ACACB: variants seen among roughly 807,000 people sequenced by gnomAD.
ACACB encodes acetyl-CoA carboxylase beta.
In ACACB, 209 loss-of-function variants were observed where a neutral mutation model predicts 278.8. The observed-to-expected ratio is 0.75, with a 90% CI of 0.67 to 0.84. The LOEUF (loss-of-function observed/expected upper bound fraction) is 0.84. Among genes scored for constraint, ACACB ranks in the 40% least tolerant of loss-of-function variants. The pLI is 0.00. For missense variants in ACACB, 2,850 were observed against 3,269.0 expected (o/e 0.87, Z 3.13); for synonymous variants, 1,174 against 1,285.6 (o/e 0.91, Z 1.86).
intron 13 of ACACB, among the ~76,000 whole-genome samples, chr12:109,190,335 G>A (rs898265767): frequency 6.6e-6 from 1 of 152,086 alleles, no homozygotes; most frequent in Non-Finnish European, 1.5e-5. Flanking sequence ...TGATCCACCC[G>A]CCTTGGCCTC....
In ACACB at chr12:109,174,383, T is replaced by C. The variant is rs759308037; in HGVS notation, c.1216+153T>C. ...TAGTCATTAGCAAAATATTTTAAAA[T>C]TTTAAATTAGTAAACAAGTGGTATA... On this transcript the variant is annotated intron_variant, in intron 7 of 52. Transcript: ENST00000338432. 9.1e-4 allele frequency among the ~76,000 whole-genome samples: 139 copies of C among 152,212 alleles called. 4 individuals are homozygous for C. The highest frequency in any genetic ancestry group is 2.0e-4 in the Admixed American group (3 of 15,276).
intron 11 of ACACB, among the ~76,000 whole-genome samples, chr12:109,184,706 A>ATTTT (rs201836386): frequency 2.0e-4 from 28 of 139,198 alleles, no homozygotes; most frequent in Middle Eastern, 7.5e-3. Flanking sequence ...TGGCATTAAA[A>ATTTT]TTTTTTTTTT....
rs778843959 is a variant in ACACB at position 109,239,964 on chromosome 12, T to G, written c.4797T>G (p.Thr1599=). 1 of 1,614,110 alleles carries G rather than the reference T, an allele frequency of 6.2e-7. No individual in the cohort carries two copies. Among genetic ancestry groups the G allele is most frequent in the African/African-American group, 1.3e-5 (1 of 75,058 alleles). ...CNHIFLNFVP[T]VIMDPFKIEE... is the part of the protein sequence containing the mutation. ...ACATCTTCCTCAACTTCGTGCCCACTGTCATCATGGACCCCTTCAAGGTCT... is the reference window on the plus strand; with the variant it reads ...ACATCTTCCTCAACTTCGTGCCCACGGTCATCATGGACCCCTTCAAGGTCT... The change falls in exon 35 of 53, where the codon ACT becomes ACG. Residue 1599 remains threonine (T), a synonymous_variant. Coordinates refer to ENST00000338432, the MANE Select transcript of ACACB (RefSeq NM_001093.4).
chr12:109,121,884 A>C (rs1042336173), intron 1 of ACACB, among the ~76,000 whole-genome samples: 10 of 152,206 alleles, frequency 6.6e-5, no homozygotes, highest in African/African-American at 2.4e-4. Context: ...GCATAAACTC[A>C]TTGGTGAATG....
intron 13 of ACACB, among the ~76,000 whole-genome samples, chr12:109,188,827 G>A (rs2044763737): frequency 6.6e-6 from 1 of 152,176 alleles, no homozygotes; most frequent in African/African-American, 2.4e-5. Flanking sequence ...TACCCAAAGT[G>A]TAAAAGGTGC....
chr12:109,113,257 C>G (rs1391238637), upstream of ACACB: 2 of 152,186 alleles, frequency 1.3e-5, no homozygotes, highest in Non-Finnish European at 2.9e-5. Flanking sequence ...ATTGAACTTT[C>G]CAGGCCACAA....
rs1298482725 is a variant in ACACB at position 109,264,393 on chromosome 12, G to T, written c.6942+7G>T. The T allele has an allele frequency of 6.2e-7, 1 of 1,613,546 alleles. No homozygotes were observed. Among genetic ancestry groups the T allele is most frequent in the East Asian group, 2.2e-5 (1 of 44,846 alleles). ...GGAGAAGGGCGTCATATCTGTGAGA[G>T]CCACAGCTGCCGTGTAGGGTGCAAA... On this transcript the variant is annotated splice_region_variant and intron_variant, in intron 50 of 52. Transcript: ENST00000338432.
At chr12:109,213,010 T>C (rs2136444749) in intron 22 of ACACB, 74 bp downstream of exon 22, 7 of 1,343,938 alleles carry the variant, frequency 5.2e-6, no homozygotes, top group East Asian at 2.3e-5. Context: ...GGTGGTGCTC[T>C]GGGGCTGTCT....
chr12:109,156,673 A>G (rs2043550791), intron 2 of ACACB, among the ~76,000 whole-genome samples: 2 of 139,926 alleles, frequency 1.4e-5, no homozygotes, highest in Admixed American at 1.5e-4. Flanking sequence ...TCCATCCTTT[A>G]TTTTCTTAGG....
chr12:109,209,959 ATG>A lies in ACACB; in HGVS notation c.3249+610_3249+611del, dbSNP rs1432774875. ...CACATACACACACGTGTGTGTATATATGTGTATACACACATACACACACGTGT... is the reference window on the plus strand; with the variant it reads ...CACATACACACACGTGTGTGTATATATGTATACACACATACACACACGTGT... On this transcript the variant is annotated intron_variant, in intron 21 of 52. Coordinates refer to ENST00000338432, the MANE Select transcript of ACACB (RefSeq NM_001093.4). 2.1e-4 allele frequency among the ~76,000 whole-genome samples: 18 copies of A among 87,510 alleles called. 6 individuals carry two copies. Among genetic ancestry groups the A allele is most frequent in the African/African-American group, 9.0e-4 (17 of 18,946 alleles). 57.4% of individuals were successfully genotyped at this position (87,510 alleles called of 152,430 possible).
At chr12:109,137,989 C>T (rs1447218059) in intron 1 of ACACB, among the ~76,000 whole-genome samples, 2 of 151,930 alleles carry the variant, frequency 1.3e-5, no homozygotes, top group Non-Finnish European at 2.9e-5. Flanking sequence ...ACCTCCACCT[C>T]CAGGTTCAAG....
At chr12:109,140,901 T>A (rs2043107332) in intron 2 of ACACB, among the ~76,000 whole-genome samples, 1 of 126,472 alleles carries the variant, frequency 7.9e-6, no homozygotes, top group African/African-American at 4.3e-5. Flanking sequence ...TTTTTTTTTT[T>A]TTTTTTTTTT....
At chr12:109,189,829 G>A (rs780023301) in intron 13 of ACACB, among the ~76,000 whole-genome samples, 4 of 152,134 alleles carry the variant, frequency 2.6e-5, no homozygotes, top group South Asian at 2.1e-4. Context: ...AAGCTTACTC[G>A]GCCAGGCACA....
chr12:109,179,791 A>C (rs1357742598), intron 10 of ACACB, 126 bp from the exon 11 acceptor site: 25 of 1,149,748 alleles, frequency 2.2e-5, no homozygotes, highest in Non-Finnish European at 2.8e-5. Flanking sequence ...ACACCTGGCC[A>C]GTCCCAAAAT....
rs2046937187 is a variant in ACACB, at chr12:109,246,175, C to T, written c.5302-4C>T. The T allele has an allele frequency of 1.2e-6, 2 of 1,606,608 alleles. No individual in the cohort carries two copies. Among genetic ancestry groups the T allele is most frequent in the Admixed American group, 1.7e-5 (1 of 59,834 alleles). ...TTTTCCTTGTGCATTCATCCCCTTG[C>T]CAGGTGGGCATGGTGGCCTTCAAAA... On this transcript the variant is annotated splice_region_variant and splice_polypyrimidine_tract_variant and intron_variant, in intron 38 of 52. Coordinates refer to ENST00000338432, the MANE Select transcript of ACACB (RefSeq NM_001093.4).
rs1173452255 is a variant in ACACB, at chr12:109,266,800, C to G, written c.*438C>G. 2.0e-5 allele frequency: 3 copies of G among 151,786 alleles called. No homozygotes were observed. The highest frequency in any genetic ancestry group is 7.3e-5 in the African/African-American group (3 of 41,210). The allele number at this position is 151,786 out of a possible 1,614,324, so 9.4% of individuals were successfully genotyped here. A position where few individuals can be genotyped will look rare whatever the true frequency, so the allele number is the denominator to read the frequency against. On this transcript the variant is annotated 3_prime_UTR_variant, in exon 53 of 53. Coordinates refer to ENST00000338432, the MANE Select transcript of ACACB (RefSeq NM_001093.4). The stretch of plus-strand genomic sequence containing the variant: ...CATATATTTCAGCCAAATAAATGGG[C>G]CAAGGGAAAAAAATATATATATATA...
At chr12:109,172,965 C>T (rs1341303128) in intron 6 of ACACB, among the ~76,000 whole-genome samples, 1 of 152,202 alleles carries the variant, frequency 6.6e-6, no homozygotes, top group East Asian at 1.9e-4. Flanking sequence ...GGTACATATA[C>T]ACCATGGAAT....
chr12:109,126,595 G>T (rs1395081775), intron 1 of ACACB, among the ~76,000 whole-genome samples: 1 of 152,132 alleles, frequency 6.6e-6, no homozygotes. Context: ...AAAACAGGAG[G>T]ATTGCTTGAT....
intron 1 of ACACB, among the ~76,000 whole-genome samples, chr12:109,131,798 C>T (rs1392292410): frequency 6.6e-6 from 1 of 152,182 alleles, no homozygotes; most frequent in Non-Finnish European, 1.5e-5. Flanking sequence ...AGGGCAGCAG[C>T]TTGTCATGAT....
Sources: allele counts gnomAD v4.1 joint callset (sites outside exome capture counted in the v4.1 genomes callset), GRCh38; gene constraint gnomAD v4.1.1; transcripts MANE v1.5; gene names NCBI Gene and HGNC (gene_info 2026-07-23, HGNC 2026-07-21).